The following TIFAB variants were observed in gnomAD, a reference collection of about 807,000 sequenced individuals.
The protein encoded by TIFAB is TIFA inhibitor.
For synonymous variants in TIFAB, 116 were observed against 95.2 expected (o/e 1.22, Z -1.27); for missense variants, 222 against 203.6 (o/e 1.09, Z -0.55).
chr5:135,447,178 C>T lies in TIFAB; in HGVS notation c.*2276G>A. ...CATCAGACCAAAATACATGTGGCTT[C>T]TTCTCCTTGCCAGCCCTACCAGGGC... On this transcript the variant is annotated 3_prime_UTR_variant, in exon 2 of 2. Transcript: ENST00000537858. 6.3e-7 allele frequency: 1 copy of T among 1,595,166 alleles called. No individual in the cohort carries two copies. Among genetic ancestry groups the T allele is most frequent in the Non-Finnish European group, 8.6e-7 (1 of 1,165,826 alleles).
Position 135,448,395 on chromosome 5 carries a change from C to A in TIFAB, c.*1059G>T, listed in dbSNP as rs914620692. The A allele has an allele frequency of 6.6e-6, 1 of 152,110 alleles. No individual in the cohort carries two copies. Among genetic ancestry groups the A allele is most frequent in the Non-Finnish European group, 1.5e-5 (1 of 68,040 alleles). The allele number at this position is 152,110 out of a possible 1,614,324, so 9.4% of individuals were successfully genotyped here. A position where few individuals can be genotyped will look rare whatever the true frequency, so the allele number is the denominator to read the frequency against. On this transcript the variant is annotated 3_prime_UTR_variant, in exon 2 of 2. Transcript: ENST00000537858. ...CCACACTCTCCCCTTCTCAGCATGGCGTGGCAAATAGCTGCTGCCCTTGTT... is the reference window on the plus strand; with the variant it reads ...CCACACTCTCCCCTTCTCAGCATGGAGTGGCAAATAGCTGCTGCCCTTGTT...
Position 135,449,470 on chromosome 5 carries a change from G to C in TIFAB, c.470C>G (p.Pro157Arg). ...CTGGATCTGCTACCCTGAACCAGGG[G>C]GAGGCTGCCCCTGGGAGATGCCTTC... ...EWEGISQGQP[P>R]PGSG Residue 157 changes from proline to arginine, a missense_variant, in exon 2 of 2, where the codon CCC (proline) becomes CGC (arginine). Transcript: ENST00000537858. The C allele has an allele frequency of 6.2e-7, 1 of 1,613,838 alleles. No homozygotes were observed. Among genetic ancestry groups the C allele is most frequent in the Non-Finnish European group, 8.5e-7 (1 of 1,179,916 alleles).
chr5:135,450,846 A>G (rs1769351496), intron 1 of TIFAB: 1 of 152,314 alleles, frequency 6.6e-6, no homozygotes, highest in African/African-American at 2.4e-5. Flanking sequence ...CCACGGTTCA[A>G]GGCCCTGTTC....
rs565541356 is a variant in TIFAB, at chr5:135,452,032, G to A, written c.-11+177C>T. ...GAGCCCATCCACGACAGGCTGTCCC[G>A]TGTCTTTTGGATCCCAGGTGTTCTG... On this transcript the variant is annotated intron_variant, in intron 1 of 1. Coordinates refer to ENST00000537858, the MANE Select transcript of TIFAB (RefSeq NM_001099221.2). 3.9e-5 allele frequency among the ~76,000 whole-genome samples: 6 copies of A among 152,336 alleles called. No individual in the cohort carries two copies. In the East Asian group the frequency reaches 5.8e-4, roughly 15 times the overall value.
intron 1 of TIFAB, among the ~76,000 whole-genome samples, chr5:135,451,664 A>G (rs1769364153): frequency 6.6e-6 from 1 of 151,916 alleles, no homozygotes; most frequent in Admixed American, 6.6e-5. Flanking sequence ...TTGTATTTTC[A>G]GTAGAGACGG....
Position 135,446,573 on chromosome 5 carries a change from T to G in TIFAB, c.*2881A>C. 6.2e-7 allele frequency: 1 copy of G among 1,613,950 alleles called. No individual in the cohort carries two copies. ...AGGTGGGTGCCATGGATCTGATGAT[T>G]TCAGTGATTTTCTACTCAAGAAAAA... On this transcript the variant is annotated 3_prime_UTR_variant, in exon 2 of 2. Transcript: ENST00000537858.
intron 1 of TIFAB, among the ~76,000 whole-genome samples, chr5:135,451,704 G>A (rs1157296407): frequency 1.3e-5 from 2 of 152,026 alleles, no homozygotes; most frequent in Admixed American, 1.3e-4. Context: ...GGCTGGTCTC[G>A]AACTCCTGAC....
Position 135,446,966 on chromosome 5 carries a change from T to G in TIFAB, c.*2488A>C. The stretch of plus-strand genomic sequence containing the variant: ...CAGGGGCAGCAGCTCATTCCCAAAG[T>G]TCTCTGGTGGAGCTGGGGAGTGGCA... On this transcript the variant is annotated 3_prime_UTR_variant, in exon 2 of 2. Coordinates refer to ENST00000537858, the MANE Select transcript of TIFAB (RefSeq NM_001099221.2). 6.2e-7 allele frequency: 1 copy of G among 1,612,956 alleles called. No individual in the cohort carries two copies. The highest frequency in any genetic ancestry group is 8.5e-7 in the Non-Finnish European group (1 of 1,179,442).
chr5:135,449,701 C>G lies in TIFAB; in HGVS notation c.239G>C (p.Arg80Pro). 3 of 1,614,128 alleles carry G rather than the reference C, an allele frequency of 1.9e-6. No homozygotes were observed. Among genetic ancestry groups the G allele is most frequent in the Non-Finnish European group, 2.5e-6 (3 of 1,180,044 alleles). Residue 80 changes from arginine to proline, a missense_variant, in exon 2 of 2, where the codon CGC (arginine) becomes CCC (proline). Transcript: ENST00000537858. ...LLAFCLKALS[R>P]KGCVWVNGLT... Reference sequence around the variant, plus strand: ...CCCATTGACCCACACACAGCCCTTGCGGCTCAGGGCCTTGAGGCAGAAGGC... The same window carrying G: ...CCCATTGACCCACACACAGCCCTTGGGGCTCAGGGCCTTGAGGCAGAAGGC...
rs767754190 is a variant in TIFAB at position 135,447,023 on chromosome 5, C to T, written c.*2431G>A. The T allele has an allele frequency of 1.2e-6, 2 of 1,613,936 alleles. No individual in the cohort carries two copies. Among genetic ancestry groups the T allele is most frequent in the East Asian group, 2.2e-5 (1 of 44,874 alleles). ...GAACTCTGGGGTTTCCCCACCAGCT[C>T]CTCTCTCCAGTCTTTGGTGTCCAGG... On this transcript the variant is annotated 3_prime_UTR_variant, in exon 2 of 2. Transcript: ENST00000537858.
chr5:135,447,018 C>T lies in TIFAB; in HGVS notation c.*2436G>A, dbSNP rs761243125. ...CCTGGGAACTCTGGGGTTTCCCCAC[C>T]AGCTCCTCTCTCCAGTCTTTGGTGT... is the stretch of plus-strand genomic sequence containing the variant. On this transcript the variant is annotated 3_prime_UTR_variant, in exon 2 of 2. Transcript: ENST00000537858. 17 of 1,613,706 alleles carry T rather than the reference C, an allele frequency of 1.1e-5. No individual in the cohort carries two copies. The South Asian group carries it at 1.8e-4, about 17-fold the overall frequency.
intron 1 of TIFAB, 24 bp from the exon 2 acceptor site, chr5:135,449,973 A>G: frequency 6.6e-7 from 1 of 1,513,556 alleles, no homozygotes; most frequent in Non-Finnish European, 8.8e-7. Context: ...ACATGGACAC[A>G]CAGGCTCAGC....
chr5:135,446,829 A>G lies in TIFAB; in HGVS notation c.*2625T>C. On this transcript the variant is annotated 3_prime_UTR_variant, in exon 2 of 2. Coordinates refer to ENST00000537858, the MANE Select transcript of TIFAB (RefSeq NM_001099221.2). ...GCTTCACTCGAAAGATTGGAGTTGC[A>G]GAGTCCCCTGTGGAGGAATTGAACT... is the stretch of plus-strand genomic sequence containing the variant. 6.2e-7 allele frequency: 1 copy of G among 1,613,950 alleles called. No homozygotes were observed. The highest frequency in any genetic ancestry group is 8.5e-7 in the Non-Finnish European group (1 of 1,179,826).
chr5:135,451,605 TC>T (rs1041494275), intron 1 of TIFAB, among the ~76,000 whole-genome samples: 6 of 151,738 alleles, frequency 4.0e-5, no homozygotes, highest in Non-Finnish European at 7.4e-5. Context: ...TGCCTCAGCC[TC>T]CCCAGTAGCT....
At position 135,449,511 on chromosome 5, in the gene TIFAB, C is replaced by T. The variant is rs746463630; in HGVS notation, c.429G>A (p.Glu143=). 6.2e-7 allele frequency: 1 copy of T among 1,614,230 alleles called. No homozygotes were observed. Among genetic ancestry groups the T allele is most frequent in the East Asian group, 2.2e-5 (1 of 44,876 alleles). ...PSPLIYRPEA[E]ETDEWEGISQ... is the part of the protein sequence containing the mutation. ...AGATGCCTTCCCATTCGTCAGTTTCCTCAGCCTCAGGTCTGTAAATCAGGG... is the reference window on the plus strand; with the variant it reads ...AGATGCCTTCCCATTCGTCAGTTTCTTCAGCCTCAGGTCTGTAAATCAGGG... The change falls in exon 2 of 2, where the codon GAG becomes GAA. Residue 143 remains glutamate (E), a synonymous_variant. Transcript: ENST00000537858.
rs1241644540 is a variant in TIFAB at position 135,448,001 on chromosome 5, C to T, written c.*1453G>A. 1.3e-5 allele frequency: 2 copies of T among 152,216 alleles called. No homozygotes were observed. Among genetic ancestry groups the T allele is most frequent in the Admixed American group, 1.3e-4 (2 of 15,278 alleles). The allele number at this position is 152,216 out of a possible 1,614,324, so 9.4% of individuals were successfully genotyped here. On this transcript the variant is annotated 3_prime_UTR_variant, in exon 2 of 2. Coordinates refer to ENST00000537858, the MANE Select transcript of TIFAB (RefSeq NM_001099221.2). ...GGTCATTCACAGCATCAGAGAGCCC[C>T]TTCCTAGCAGCCCTGCTCTCCCTGC...
rs573464755 is a variant in TIFAB, at chr5:135,449,147, C to T, written c.*307G>A. Reference sequence around the variant, plus strand: ...CTAAAAGTATATGATGTTCCCATTACATTGCATAGCTCTGGCCACAGAGGG... The same window carrying T: ...CTAAAAGTATATGATGTTCCCATTATATTGCATAGCTCTGGCCACAGAGGG... On this transcript the variant is annotated 3_prime_UTR_variant, in exon 2 of 2. Coordinates refer to ENST00000537858, the MANE Select transcript of TIFAB (RefSeq NM_001099221.2). The T allele has an allele frequency of 4.9e-6, 2 of 407,108 alleles. No individual in the cohort carries two copies. Among genetic ancestry groups the T allele is most frequent in the East Asian group, 9.5e-5 (2 of 21,108 alleles). 25.2% of individuals were successfully genotyped at this position (407,108 alleles called of 1,614,324 possible).
Position 135,447,679 on chromosome 5 carries a change from T to C in TIFAB, c.*1775A>G, listed in dbSNP as rs1769295737. The C allele has an allele frequency of 6.2e-6, 1 of 160,682 alleles. No individual in the cohort carries two copies. Among genetic ancestry groups the C allele is most frequent in the Non-Finnish European group, 1.4e-5 (1 of 72,388 alleles). 10.0% of individuals were successfully genotyped at this position (160,682 alleles called of 1,614,324 possible). On this transcript the variant is annotated 3_prime_UTR_variant, in exon 2 of 2. Coordinates refer to ENST00000537858, the MANE Select transcript of TIFAB (RefSeq NM_001099221.2). ...AAGTGCAGTTAATACACACAGCACC[T>C]AGCAGAGTGCTAAGCACATGGTAGG...
Position 135,447,146 on chromosome 5 carries a change from T to A in TIFAB, c.*2308A>T. On this transcript the variant is annotated 3_prime_UTR_variant, in exon 2 of 2. Coordinates refer to ENST00000537858, the MANE Select transcript of TIFAB (RefSeq NM_001099221.2). The stretch of plus-strand genomic sequence containing the variant: ...ATTTTGGTCAGTGACAGATCACTGC[T>A]GCTTTTCATCAGACCAAAATACATG... 2 of 1,613,604 alleles carry A rather than the reference T, an allele frequency of 1.2e-6. No homozygotes were observed. Among genetic ancestry groups the A allele is most frequent in the Non-Finnish European group, 1.7e-6 (2 of 1,179,750 alleles).
Sources: gnomAD v4.1 joint callset for allele counts (sites outside exome capture counted in the v4.1 genomes callset) on GRCh38, gnomAD v4.1.1 for gene constraint, MANE v1.5 for transcripts, NCBI Gene and HGNC (gene_info 2026-07-23, HGNC 2026-07-21) for gene names.